Variants in UVRAG observed in about 807,000 individuals in gnomAD.
UVRAG encodes the protein UV radiation resistance-associated gene protein.
In UVRAG, 19 loss-of-function variants were observed where a neutral mutation model predicts 78.0. The observed-to-expected ratio is 0.24, with a 90% CI of 0.17 to 0.36. UVRAG has a LOEUF of 0.36. UVRAG is among the 10% of genes least tolerant of loss of function. The pLI is 1.00. For synonymous variants in UVRAG, 323 were observed against 324.6 expected (o/e 1.00, Z 0.05); for missense variants, 740 against 853.8 (o/e 0.87, Z 1.66).
At chr11:75,901,787 A>G (rs1208474044) in intron 5 of UVRAG, among the ~76,000 whole-genome samples, 1 of 152,044 alleles carries the variant, frequency 6.6e-6, no homozygotes, top group Non-Finnish European at 1.5e-5. Context: ...GCTATTCCTT[A>G]TTTCTAAACA....
At chr11:75,923,414 G>C (rs1024821411) in intron 6 of UVRAG, among the ~76,000 whole-genome samples, 22 of 152,134 alleles carry the variant, frequency 1.4e-4, no homozygotes, top group Admixed American at 1.3e-3. Flanking sequence ...AGTTGTGAAT[G>C]AATTGTGAAG....
chr11:75,909,544 T>G (rs1209164335), intron 5 of UVRAG, among the ~76,000 whole-genome samples: 2 of 152,194 alleles, frequency 1.3e-5, no homozygotes, highest in Admixed American at 6.5e-5. Context: ...TAGTTTGAAT[T>G]AATATCAACT....
Position 76,035,928 on chromosome 11 carries a change from C to T in UVRAG, c.1226+18948C>T, listed in dbSNP as rs759539143. On this transcript the variant is annotated intron_variant, in intron 12 of 14. Coordinates refer to ENST00000356136, the MANE Select transcript of UVRAG (RefSeq NM_003369.4). ...CATGCCCTTGTCTCATGAGTAAATA[C>T]ATTGCAAGATTCATTAGGTATCCCT... Among the ~76,000 whole-genome samples, 87 of 152,114 alleles carry T rather than the reference C, an allele frequency of 5.7e-4. 1 individual carries two copies. Among genetic ancestry groups the T allele is most frequent in the Non-Finnish European group, 1.1e-3 (73 of 68,022 alleles).
chr11:75,829,819 G>T (rs978031136), intron 1 of UVRAG, among the ~76,000 whole-genome samples: 1 of 152,172 alleles, frequency 6.6e-6, no homozygotes, highest in Non-Finnish European at 1.5e-5. Context: ...TAATTTTCAT[G>T]CCATGAAATA....
At chr11:75,848,529 C>T (rs1275175479) in intron 1 of UVRAG, among the ~76,000 whole-genome samples, 2 of 152,172 alleles carry the variant, frequency 1.3e-5, no homozygotes, top group African/African-American at 2.4e-5. Context: ...GTGCTAATTT[C>T]CCACAGTTGC....
chr11:75,862,777 GCTTA>G (rs1284352643), intron 3 of UVRAG, among the ~76,000 whole-genome samples: 1 of 152,052 alleles, frequency 6.6e-6, no homozygotes, highest in Non-Finnish European at 1.5e-5. Flanking sequence ...ACTCTTGCTT[GCTTA>G]CTTGTTTGTG....
chr11:75,947,462 G>A (rs549833341), intron 6 of UVRAG, among the ~76,000 whole-genome samples: 4 of 152,108 alleles, frequency 2.6e-5, no homozygotes, highest in Admixed American at 1.3e-4. Flanking sequence ...GTTGAGATAC[G>A]AGTTATATTA....
intron 7 of UVRAG, among the ~76,000 whole-genome samples, chr11:75,965,263 T>C (rs752083803): frequency 2.6e-5 from 4 of 152,246 alleles, no homozygotes; most frequent in Non-Finnish European, 5.9e-5. Flanking sequence ...TCTAATTCTC[T>C]TTATAATGTT....
At chr11:75,902,199 G>GTA (rs1457768522) in intron 5 of UVRAG, among the ~76,000 whole-genome samples, 1 of 152,212 alleles carries the variant, frequency 6.6e-6, no homozygotes, top group African/African-American at 2.4e-5. Context: ...GTCATCAGTA[G>GTA]TATAGCTCAG....
chr11:75,854,763 A>C (rs2371372), intron 2 of UVRAG, among the ~76,000 whole-genome samples: 143,744 of 152,222 alleles, frequency 0.94, 68,114 homozygotes, highest in African/African-American at 0.99. Context: ...ATGCAGTCTT[A>C]CTATGTGTCC....
intron 11 of UVRAG, among the ~76,000 whole-genome samples, chr11:76,011,132 A>G (rs1448944714): frequency 2.0e-5 from 3 of 152,198 alleles, no homozygotes; most frequent in Admixed American, 1.3e-4. Context: ...TACACTTACA[A>G]TGCCCAACAA....
At chr11:75,819,327 AT>A (rs538465594) in intron 1 of UVRAG, among the ~76,000 whole-genome samples, 1 of 151,698 alleles carries the variant, frequency 6.6e-6, no homozygotes, top group South Asian at 2.1e-4. Flanking sequence ...CTAGTGACAC[AT>A]TTTTTTTACA....
chr11:75,850,190 T>C (rs1946124405), intron 1 of UVRAG, among the ~76,000 whole-genome samples: 1 of 152,228 alleles, frequency 6.6e-6, no homozygotes. Context: ...TAGCCTTTGG[T>C]CCTTTTGTTA....
chr11:76,091,904 A>G (rs1172560241), intron 13 of UVRAG, among the ~76,000 whole-genome samples: 1 of 151,952 alleles, frequency 6.6e-6, no homozygotes, highest in Non-Finnish European at 1.5e-5. Flanking sequence ...TTACATATGT[A>G]TACATGTGCC....
At chr11:75,973,987 G>T (rs1949178949) in intron 7 of UVRAG, among the ~76,000 whole-genome samples, 1 of 152,154 alleles carries the variant, frequency 6.6e-6, no homozygotes, top group African/African-American at 2.4e-5. Context: ...CCAAGTCTTT[G>T]CTATTGTGAA....
chr11:76,058,192 G>T (rs1357172734), intron 12 of UVRAG, among the ~76,000 whole-genome samples: 1 of 152,088 alleles, frequency 6.6e-6, no homozygotes, highest in Non-Finnish European at 1.5e-5. Context: ...TATAGTTGTT[G>T]TAGGGGGGAC....
chr11:76,061,671 C>T (rs1951098073), intron 12 of UVRAG, among the ~76,000 whole-genome samples: 1 of 151,882 alleles, frequency 6.6e-6, no homozygotes, highest in South Asian at 2.1e-4. Flanking sequence ...AGACCACGAA[C>T]CCCACCAGAA....
chr11:76,079,648 C>G (rs972347502), intron 13 of UVRAG, among the ~76,000 whole-genome samples: 2 of 152,102 alleles, frequency 1.3e-5, no homozygotes, highest in African/African-American at 4.8e-5. Flanking sequence ...TACTATCTTA[C>G]ATTTATGTAG....
chr11:76,093,010 G>C (rs1199232068), intron 13 of UVRAG, among the ~76,000 whole-genome samples: 1 of 152,098 alleles, frequency 6.6e-6, no homozygotes, highest in African/African-American at 2.4e-5. Context: ...ATTAATTTTT[G>C]TATAAGGTGT....
Sources: gnomAD v4.1 joint callset for allele counts (sites outside exome capture counted in the v4.1 genomes callset) on GRCh38, gnomAD v4.1.1 for gene constraint, MANE v1.5 for transcripts, NCBI Gene and HGNC (gene_info 2026-07-23, HGNC 2026-07-21) for gene names.